The following NSMCE4A variants were observed in gnomAD, a reference collection of about 807,000 sequenced individuals.
The protein encoded by NSMCE4A is non-structural maintenance of chromosomes element 4 homolog A.
NSMCE4A carries 40 observed loss-of-function variants against 47.9 expected under a neutral mutation model. The observed-to-expected ratio is 0.83, with a 90% confidence interval of 0.65 to 1.09. NSMCE4A has a LOEUF of 1.09. Among genes scored for constraint, NSMCE4A ranks in the 50% least tolerant of loss-of-function variants. The pLI is 0.00. For missense variants in NSMCE4A, 500 were observed against 507.0 expected (o/e 0.99, Z 0.13); for synonymous variants, 166 against 178.5 (o/e 0.93, Z 0.56).
chr10:121,958,858 C>T (rs1349292460), intron 10 of NSMCE4A, among the ~76,000 whole-genome samples: 2 of 149,840 alleles, frequency 1.3e-5, no homozygotes, highest in Non-Finnish European at 3.0e-5. Flanking sequence ...CTCTGTCTCC[C>T]AGGCTGGAGT....
At chr10:121,972,278 C>A (rs557834753) in intron 2 of NSMCE4A, among the ~76,000 whole-genome samples, 140 of 152,240 alleles carry the variant, frequency 9.2e-4, no homozygotes, top group African/African-American at 3.2e-3. Flanking sequence ...GAGCCAAGAT[C>A]ATGCCACTGC....
At chr10:121,973,245 A>G (rs1952751329) in intron 2 of NSMCE4A, among the ~76,000 whole-genome samples, 1 of 151,980 alleles carries the variant, frequency 6.6e-6, no homozygotes, top group African/African-American at 2.4e-5. Context: ...CCTCAAAAAA[A>G]AAAAAAAAAA....
intron 1 of NSMCE4A, chr10:121,974,484 C>G (rs1167069006): frequency 3.0e-6 from 3 of 1,000,316 alleles, no homozygotes; most frequent in African/African-American, 3.5e-5. Context: ...CATTTGACAG[C>G]TCTCGCGTGC....
Position 121,965,348 on chromosome 10 carries a change from G to C in NSMCE4A, c.691C>G (p.Pro231Ala). ...ACTTTTCTTGGACGATCAACTCGTGGCTTTGGCACAGGGCACTCTCCGTAT... is the reference window on the plus strand; with the variant it reads ...ACTTTTCTTGGACGATCAACTCGTGCCTTTGGCACAGGGCACTCTCCGTAT... ...SIYGECPVPK[P>A]RVDRPRKVPV... The change falls in exon 5 of 11, where the codon CCA (proline) becomes GCA (alanine). Residue 231 changes from proline (P) to alanine (A), a missense_variant. Coordinates refer to ENST00000369023, the MANE Select transcript of NSMCE4A (RefSeq NM_017615.3). 1.2e-5 allele frequency: 20 copies of C among 1,613,894 alleles called. No individual in the cohort carries two copies. Among genetic ancestry groups the C allele is most frequent in the Non-Finnish European group, 1.7e-5 (20 of 1,179,884 alleles).
rs182239410 is a variant in NSMCE4A at position 121,967,875 on chromosome 10, C to T, written c.502-69G>A. 4.9e-4 allele frequency: 738 copies of T among 1,514,274 alleles called. 5 individuals are homozygous for T. The African/African-American group carries it at 8.6e-3, about 18-fold the overall frequency. The allele number at this position is 1,514,274 out of a possible 1,614,324, so 93.8% of individuals were successfully genotyped here. A position where few individuals can be genotyped will look rare whatever the true frequency, so the allele number is the denominator to read the frequency against. Reference sequence around the variant, plus strand: ...CAATCATTTTCCACATCCAATAATCCGCATCACTCAACCTTTAAGAGGCCA... The same window carrying T: ...CAATCATTTTCCACATCCAATAATCTGCATCACTCAACCTTTAAGAGGCCA... On this transcript the variant is annotated intron_variant, in intron 3 of 10. Coordinates refer to ENST00000369023, the MANE Select transcript of NSMCE4A (RefSeq NM_017615.3).
Position 121,960,007 on chromosome 10 carries a change from T to G in NSMCE4A, c.988+351A>C. ...AAATTATTCAGGTAAGAATGAAAGA[T>G]TCATAGAACCTCAAAGAGAAAAGAA... On this transcript the variant is annotated intron_variant, in intron 8 of 10. Coordinates refer to ENST00000369023, the MANE Select transcript of NSMCE4A (RefSeq NM_017615.3). The surrounding 1 kb of genome is among the most constrained non-coding windows in gnomAD (Gnocchi z 4.2). The G allele has an allele frequency of 3.8e-6, 1 of 260,428 alleles. No homozygotes were observed. Among genetic ancestry groups the G allele is most frequent in the Non-Finnish European group, 7.1e-6 (1 of 140,388 alleles). 16.1% of individuals were successfully genotyped at this position (260,428 alleles called of 1,614,324 possible). A position where few individuals can be genotyped will look rare whatever the true frequency, so the allele number is the denominator to read the frequency against.
At chr10:121,968,523 G>A (rs975848221) in intron 3 of NSMCE4A, among the ~76,000 whole-genome samples, 6 of 152,074 alleles carry the variant, frequency 3.9e-5, no homozygotes, top group Non-Finnish European at 7.3e-5. Flanking sequence ...GCAGTGGCCC[G>A]GCATCACTGA....
intron 3 of NSMCE4A, 38 bp downstream of exon 3, chr10:121,970,899 CAG>C (rs1433699443): frequency 1.3e-6 from 2 of 1,536,014 alleles, no homozygotes; most frequent in Non-Finnish European, 1.8e-6. Flanking sequence ...TAATATATAA[CAG>C]AACATTTTTT....
At position 121,975,065 on chromosome 10, in the gene NSMCE4A, A is replaced by C; in HGVS notation, c.101T>G (p.Leu34Trp). ...AGAGCCGCGGCGGGACCTGGGCGAC[A>C]AAGGGGACCGCGAGCGGGAGCGGGA... ...TRSRSRSRSP[L>W]SPRSRRGSAR... Residue 34 changes from leucine (L) to tryptophan (W), a missense_variant, in exon 1 of 11, where the codon TTG becomes TGG. Coordinates refer to ENST00000369023, the MANE Select transcript of NSMCE4A (RefSeq NM_017615.3). The C allele has an allele frequency of 6.9e-7, 1 of 1,454,388 alleles. No individual in the cohort carries two copies. Among genetic ancestry groups the C allele is most frequent in the Non-Finnish European group, 9.0e-7 (1 of 1,112,976 alleles). The allele number at this position is 1,454,388 out of a possible 1,614,324, so 90.1% of individuals were successfully genotyped here.
chr10:121,965,263 A>T (rs1192034829), intron 5 of NSMCE4A, 23 bp downstream of exon 5: 1 of 1,536,346 alleles, frequency 6.5e-7, no homozygotes. Context: ...GTGTTTTTTT[A>T]AAAGCAACAT....
At chr10:121,970,167 CAT>C (rs1185957834) in intron 3 of NSMCE4A, among the ~76,000 whole-genome samples, 2 of 151,706 alleles carry the variant, frequency 1.3e-5, no homozygotes, top group Non-Finnish European at 2.9e-5. Context: ...GTGAATAAAA[CAT>C]AAAACCAAAA....
chr10:121,969,784 C>T (rs1165799897), intron 3 of NSMCE4A, among the ~76,000 whole-genome samples: 3 of 152,160 alleles, frequency 2.0e-5, no homozygotes, highest in Non-Finnish European at 4.4e-5. Context: ...GGCGCGATCT[C>T]GGCTCACTGC....
At chr10:121,957,356 A>G (rs1194731351) in intron 10 of NSMCE4A, 97 bp from the exon 11 acceptor site, 1 of 152,246 alleles carries the variant, frequency 6.6e-6, no homozygotes, top group African/African-American at 2.4e-5. Flanking sequence ...AGCCCTCCTC[A>G]GTGAGTAGGG....
At chr10:121,970,825 G>A in intron 3 of NSMCE4A, 114 bp downstream of exon 3, 1 of 967,242 alleles carries the variant, frequency 1.0e-6, no homozygotes, top group Non-Finnish European at 1.4e-6. Context: ...AGAGGAATCT[G>A]AGACCAAAAA....
chr10:121,975,194 C>G lies in NSMCE4A; in HGVS notation c.-29G>C. The G allele has an allele frequency of 7.4e-7, 1 of 1,352,346 alleles. No individual in the cohort carries two copies. The highest frequency in any genetic ancestry group is 9.5e-7 in the Non-Finnish European group (1 of 1,057,710). The allele number at this position is 1,352,346 out of a possible 1,614,324, so 83.8% of individuals were successfully genotyped here. On this transcript the variant is annotated 5_prime_UTR_variant, in exon 1 of 11. Coordinates refer to ENST00000369023, the MANE Select transcript of NSMCE4A (RefSeq NM_017615.3). ...GCCAATTCACCGTGCAACTTCGGAA[C>G]GGCGGAAGTTCGCGCCAGAAACTGA...
chr10:121,960,483 C>T lies in NSMCE4A; in HGVS notation c.940-77G>A. 2 of 1,056,344 alleles carry T rather than the reference C, an allele frequency of 1.9e-6. No homozygotes were observed. The highest frequency in any genetic ancestry group is 2.7e-6 in the Non-Finnish European group (2 of 743,424). The allele number at this position is 1,056,344 out of a possible 1,614,324, so 65.4% of individuals were successfully genotyped here. A position where few individuals can be genotyped will look rare whatever the true frequency, so the allele number is the denominator to read the frequency against. ...TATACGCACTAGATGGAAAAAATTA[C>T]TCAGAAAATTCAGTATCTCAGAAAA... is the stretch of plus-strand genomic sequence containing the variant. On this transcript the variant is annotated intron_variant, in intron 7 of 10. Transcript: ENST00000369023. This position sits in a 1 kb window ranked among gnomAD's most constrained non-coding sequence, Gnocchi z 4.2.
At chr10:121,974,526 G>T in intron 1 of NSMCE4A, 1 of 1,009,634 alleles carries the variant, frequency 9.9e-7, no homozygotes, top group Non-Finnish European at 1.2e-6. Context: ...TGCGAGGCCG[G>T]GAGCCCACGC....
chr10:121,971,153 A>C, intron 2 of NSMCE4A, 84 bp from the exon 3 acceptor site: 1 of 1,179,232 alleles, frequency 8.5e-7, no homozygotes, highest in Non-Finnish European at 1.2e-6. Context: ...ACTACTTACC[A>C]GGATTTCCCA....
chr10:121,958,043 C>T (rs913185385), intron 10 of NSMCE4A, among the ~76,000 whole-genome samples: 39 of 152,126 alleles, frequency 2.6e-4, no homozygotes, highest in African/African-American at 8.7e-4. Context: ...GCCTGACCAA[C>T]ATGGTGAAAT....
Sources: allele counts gnomAD v4.1 joint callset (sites outside exome capture counted in the v4.1 genomes callset), GRCh38; gene constraint gnomAD v4.1.1; non-coding constraint Gnocchi (gnomAD v3.1); transcripts MANE v1.5; gene names NCBI Gene and HGNC (gene_info 2026-07-23, HGNC 2026-07-21).